PHF21B: variants seen among roughly 807,000 people sequenced by gnomAD.
PHF21B encodes the protein PHD finger protein 4.
In PHF21B, 22 loss-of-function variants were observed where a neutral mutation model predicts 62.2. The ratio of observed to expected loss-of-function variants is 0.35; its 90% CI spans 0.25 to 0.51. PHF21B has a LOEUF of 0.51. Among genes scored for constraint, PHF21B ranks in the 20% least tolerant of loss-of-function variants. The pLI, the probability that PHF21B is intolerant of heterozygous loss-of-function variation, is 0.97. For missense variants in PHF21B, 701 were observed against 707.9 expected (o/e 0.99, Z 0.11); for synonymous variants, 341 against 314.7 (o/e 1.08, Z -0.88).
intron 2 of PHF21B, chr22:45,000,870 G>A (rs946133596): frequency 3.9e-5 from 6 of 152,158 alleles, no homozygotes; most frequent in African/African-American, 1.2e-4. Flanking sequence ...ACAGACCCAC[G>A]TTTAACACCT....
intron 2 of PHF21B, among the ~76,000 whole-genome samples, chr22:44,958,194 C>T (rs555610431): frequency 2.0e-5 from 3 of 152,258 alleles, no homozygotes; most frequent in East Asian, 1.9e-4. Flanking sequence ...TGAGCCACCA[C>T]GACAGCCCCC....
intron 2 of PHF21B, among the ~76,000 whole-genome samples, chr22:44,949,358 C>T (rs2072148842): frequency 6.6e-6 from 1 of 151,338 alleles, no homozygotes; most frequent in South Asian, 2.1e-4. Flanking sequence ...TGATCATGCA[C>T]CAGCTGGAAG....
intron 4 of PHF21B, among the ~76,000 whole-genome samples, chr22:44,914,965 C>G (rs1315434807): frequency 6.6e-6 from 1 of 152,230 alleles, no homozygotes; most frequent in East Asian, 1.9e-4. Flanking sequence ...TCTCCAGGAT[C>G]CATCAGCCAC....
At position 44,920,626 on chromosome 22, in the gene PHF21B, T is replaced by A. The variant is rs28671073; in HGVS notation, c.121-136A>T. On this transcript the variant is annotated intron_variant, in intron 2 of 12. Coordinates refer to ENST00000313237, the MANE Select transcript of PHF21B (RefSeq NM_138415.5). ...CTCTTCCCTTTCTTAATTATGATTT[T>A]TAAAAAATCACAATAGTAATCGATA... The A allele has an allele frequency of 7.7e-3, 4,060 of 527,214 alleles. 150 individuals are homozygous for A. Among genetic ancestry groups the A allele is most frequent in the African/African-American group, 0.072 (3,683 of 51,110 alleles). 32.7% of individuals were successfully genotyped at this position (527,214 alleles called of 1,614,324 possible). A position where few individuals can be genotyped will look rare whatever the true frequency, so the allele number is the denominator to read the frequency against.
chr22:45,004,917 C>CG (rs993166428), intron 2 of PHF21B, among the ~76,000 whole-genome samples: 2 of 152,228 alleles, frequency 1.3e-5, no homozygotes, highest in African/African-American at 2.4e-5. Flanking sequence ...AGCTCACCTC[C>CG]GGGGTCCTTC....
chr22:44,887,286 C>T (rs992577298), intron 10 of PHF21B, among the ~76,000 whole-genome samples: 2 of 152,202 alleles, frequency 1.3e-5, no homozygotes, highest in Admixed American at 1.3e-4. Flanking sequence ...AGGGGCCACA[C>T]TCCCAAGCGT....
chr22:44,991,748 G>C (rs1217766224), intron 2 of PHF21B, among the ~76,000 whole-genome samples: 2 of 152,240 alleles, frequency 1.3e-5, no homozygotes, highest in East Asian at 3.8e-4. Context: ...CTGCTAGCCA[G>C]ACCTGACTCT....
intron 2 of PHF21B, among the ~76,000 whole-genome samples, chr22:44,976,973 ACAAAAGATG>A (rs1355491427): frequency 1.3e-5 from 2 of 152,122 alleles, no homozygotes; most frequent in African/African-American, 4.8e-5. Flanking sequence ...CCCTGTGTCT[ACAAAAGATG>A]CAAAAAAGGT....
Position 44,988,501 on chromosome 22 carries a change from G to A in PHF21B, c.120+20044C>T, listed in dbSNP as rs900310143. Among the ~76,000 whole-genome samples the A allele has an allele frequency of 6.2e-4, 94 of 151,536 alleles. 1 individual carries two copies. Among genetic ancestry groups the A allele is most frequent in the African/African-American group, 2.3e-3 (94 of 41,338 alleles). ...AAAGGAAAAAGGGAAATAGAAGGAA[G>A]AAAAAAATATAACTTCATCTTAGCT... On this transcript the variant is annotated intron_variant, in intron 2 of 12. Coordinates refer to ENST00000313237, the MANE Select transcript of PHF21B (RefSeq NM_138415.5).
chr22:44,931,371 G>A (rs371781203), intron 2 of PHF21B, among the ~76,000 whole-genome samples: 2 of 152,142 alleles, frequency 1.3e-5, no homozygotes, highest in East Asian at 1.9e-4. Context: ...GCTCGGTCTC[G>A]GTGACCCTGA....
rs1228220788 is a variant in PHF21B at position 44,885,483 on chromosome 22, C to T, written c.1320G>A (p.Leu440=). Residue 440 remains leucine (L), a synonymous_variant, in exon 12 of 13, where the codon CTG becomes CTA. Coordinates refer to ENST00000313237, the MANE Select transcript of PHF21B (RefSeq NM_138415.5). The part of the protein sequence containing the change: ...KQKLLQRGSE[L]QNEHQQLEER... ...CCTCCAGCTGCTGGTGCTCGTTCTG[C>T]AGCTCACTGCCTCGTTGCAGCAGCT... 7.6e-5 allele frequency: 122 copies of T among 1,599,944 alleles called. No individual in the cohort carries two copies. The highest frequency in any genetic ancestry group is 9.9e-5 in the Non-Finnish European group (116 of 1,173,754).
At chr22:44,947,749 G>A (rs755170056) in intron 2 of PHF21B, among the ~76,000 whole-genome samples, 1 of 152,208 alleles carries the variant, frequency 6.6e-6, no homozygotes, top group African/African-American at 2.4e-5. Flanking sequence ...CAAGCACAGG[G>A]CTGATGACCA....
intron 2 of PHF21B, among the ~76,000 whole-genome samples, chr22:44,922,358 C>A (rs962417042): frequency 4.3e-4 from 66 of 152,108 alleles, no homozygotes; most frequent in African/African-American, 1.6e-3. Context: ...GTGGGCTGGG[C>A]GCGGTGGCTC....
At chr22:44,885,643 GA>G in intron 11 of PHF21B, 114 bp from the exon 12 acceptor site, 1 of 1,146,314 alleles carries the variant, frequency 8.7e-7, no homozygotes, top group Non-Finnish European at 1.2e-6. Context: ...TCCCCCTGAA[GA>G]AGCCAGTGGC....
At chr22:44,889,912 CCCA>C in intron 8 of PHF21B, 130 bp from the exon 9 acceptor site, 2 of 954,560 alleles carry the variant, frequency 2.1e-6, no homozygotes, top group Non-Finnish European at 3.0e-6. Flanking sequence ...TCATAAGGCC[CCCA>C]TGATACCTGG....
At chr22:44,967,332 T>A (rs1248465953) in intron 2 of PHF21B, among the ~76,000 whole-genome samples, 1 of 150,960 alleles carries the variant, frequency 6.6e-6, no homozygotes, top group Non-Finnish European at 1.5e-5. Context: ...GCCATTCTCC[T>A]GCCTCAGCCT....
At chr22:44,885,353 C>T (rs2070837507) in intron 12 of PHF21B, 73 bp downstream of exon 12, 5 of 1,381,196 alleles carry the variant, frequency 3.6e-6, no homozygotes, top group African/African-American at 2.9e-5. Context: ...TCTAAGGACA[C>T]ATCTATCTGT....
chr22:44,914,775 C>T (rs910438949), intron 4 of PHF21B, among the ~76,000 whole-genome samples: 1 of 152,234 alleles, frequency 6.6e-6, no homozygotes, highest in Non-Finnish European at 1.5e-5. Flanking sequence ...TGCCTCGAGG[C>T]TCAGGGGGTG....
intron 6 of PHF21B, 73 bp from the exon 7 acceptor site, chr22:44,893,606 C>T (rs1186399929): frequency 1.4e-6 from 2 of 1,413,676 alleles, no homozygotes; most frequent in South Asian, 1.2e-5. Flanking sequence ...CTTGCCAAGC[C>T]CTGGGCACCA....
Sources: allele counts gnomAD v4.1 joint callset (sites outside exome capture counted in the v4.1 genomes callset), GRCh38; gene constraint gnomAD v4.1.1; transcripts MANE v1.5; gene names NCBI Gene and HGNC (gene_info 2026-07-23, HGNC 2026-07-21).